Variants in ANKRD44 observed in about 807,000 individuals in gnomAD.
The protein encoded by ANKRD44 is ankyrin repeat domain 44, also known as serine/threonine-protein phosphatase 6 regulatory ankyrin repeat subunit B.
In ANKRD44, 35 loss-of-function variants were observed where a neutral mutation model predicts 116.0. The ratio of observed to expected loss-of-function variants is 0.30; its 90% confidence interval spans 0.23 to 0.40. The LOEUF is 0.40. ANKRD44 is among the 10% of genes least tolerant of loss of function. The probability of loss-of-function intolerance (pLI) is 1.00; values close to 1 mark genes in which losing one functional copy is unlikely to be tolerated. For missense variants in ANKRD44, 1,014 were observed against 1,242.6 expected (o/e 0.82, Z 2.77); for synonymous variants, 435 against 461.8 (o/e 0.94, Z 0.74).
chr2:197,224,029 T>A (rs1024365410), intron 1 of ANKRD44, among the ~76,000 whole-genome samples: 1 of 152,202 alleles, frequency 6.6e-6, no homozygotes. Context: ...GAAATTTCCA[T>A]CTGTATTTAT....
chr2:197,127,439 T>C (rs1467885344), intron 4 of ANKRD44, among the ~76,000 whole-genome samples: 2 of 152,206 alleles, frequency 1.3e-5, no homozygotes, highest in Non-Finnish European at 2.9e-5. Context: ...GCTTGGAAGC[T>C]CTTTAACTTG....
Position 197,288,649 on chromosome 2 carries a change from T to C in ANKRD44, c.27+21929A>G, listed in dbSNP as rs530813751. Among the ~76,000 whole-genome samples, 111 of 152,102 alleles carry C rather than the reference T, an allele frequency of 7.3e-4. 1 individual carries two copies. Among genetic ancestry groups the C allele is most frequent in the African/African-American group, 2.4e-3 (101 of 41,474 alleles). ...TATATATACACATACACACGTGATA[T>C]ATATATATACACATATACACACACA... On this transcript the variant is annotated intron_variant, in intron 1 of 27. Coordinates refer to ENST00000282272, the MANE Select transcript of ANKRD44 (RefSeq NM_001195144.2).
At chr2:197,290,809 T>TTTTTAG (rs1203513006) in intron 1 of ANKRD44, among the ~76,000 whole-genome samples, 9 of 151,778 alleles carry the variant, frequency 5.9e-5, no homozygotes, top group Non-Finnish European at 1.5e-5. Flanking sequence ...TTGTTTTTTG[T>TTTTTAG]TTTTTGTTTT....
intron 3 of ANKRD44, among the ~76,000 whole-genome samples, chr2:197,143,292 G>A (rs992241230): frequency 4.0e-5 from 6 of 150,414 alleles, no homozygotes; most frequent in East Asian, 2.0e-4. Flanking sequence ...GCTGGTGTGC[G>A]ACACCCATTA....
intron 21 of ANKRD44, among the ~76,000 whole-genome samples, chr2:196,978,055 A>T (rs1268602934): frequency 2.6e-5 from 4 of 152,222 alleles, no homozygotes; most frequent in Admixed American, 1.3e-4. Context: ...GCACCTCTAT[A>T]TGCTGATACA....
intron 1 of ANKRD44, among the ~76,000 whole-genome samples, chr2:197,262,094 G>A (rs1359371727): frequency 1.3e-5 from 2 of 152,222 alleles, no homozygotes; most frequent in South Asian, 2.1e-4. Flanking sequence ...CAAAATATTC[G>A]CACACTGTTA....
rs2075849701 is a variant in ANKRD44, at chr2:196,987,356, G to A, written c.*2235C>T. 1 of 984,954 alleles carries A rather than the reference G, an allele frequency of 1.0e-6. No individual in the cohort carries two copies. The highest frequency in any genetic ancestry group is 1.2e-6 in the Non-Finnish European group (1 of 829,670). The allele number at this position is 984,954 out of a possible 1,614,324, so 61.0% of individuals were successfully genotyped here. A position where few individuals can be genotyped will look rare whatever the true frequency, so the allele number is the denominator to read the frequency against. ...AAACTCACTGGTATCATATTGCTCT[G>A]ATAACACTCAAATGAAAAAATACAA... is the stretch of plus-strand genomic sequence containing the variant. On this transcript the variant is annotated 3_prime_UTR_variant, in exon 28 of 28. Transcript: ENST00000282272.
At chr2:197,015,925 G>A (rs1248818715) in intron 17 of ANKRD44, 2 of 530,054 alleles carry the variant, frequency 3.8e-6, no homozygotes, top group Non-Finnish European at 7.3e-6. Flanking sequence ...CATGAAAGGG[G>A]GTAGTTTTGG....
intron 17 of ANKRD44, among the ~76,000 whole-genome samples, chr2:197,022,360 C>T (rs2076513297): frequency 6.6e-6 from 1 of 152,244 alleles, no homozygotes; most frequent in African/African-American, 2.4e-5. Flanking sequence ...GCAATTTTGA[C>T]TCAACATAGA....
intron 1 of ANKRD44, among the ~76,000 whole-genome samples, chr2:197,237,940 A>C (rs1203011602): frequency 6.6e-6 from 1 of 152,204 alleles, no homozygotes; most frequent in African/African-American, 2.4e-5. Context: ...GCTTTGGTCC[A>C]GACAATTCCC....
chr2:197,083,264 AG>A lies in ANKRD44; in HGVS notation c.1457+104del, dbSNP rs1296699337. Reference sequence around the variant, plus strand: ...TAAGCAAATCTAACTCTTTTGGGTTAGTCTAACTCTTTTTCCATGAGGCGGT... The same window carrying A: ...TAAGCAAATCTAACTCTTTTGGGTTATCTAACTCTTTTTCCATGAGGCGGT... On this transcript the variant is annotated intron_variant, in intron 14 of 27. Transcript: ENST00000282272. 4.3e-6 allele frequency: 6 copies of A among 1,393,520 alleles called. No individual in the cohort carries two copies. The African/African-American group carries it at 8.8e-5, about 20-fold the overall frequency. The allele number at this position is 1,393,520 out of a possible 1,614,324, so 86.3% of individuals were successfully genotyped here.
At chr2:197,022,953 C>G (rs1224044171) in intron 17 of ANKRD44, among the ~76,000 whole-genome samples, 1 of 152,230 alleles carries the variant, frequency 6.6e-6, no homozygotes, top group African/African-American at 2.4e-5. Flanking sequence ...GATATTTCCT[C>G]GCCTGTTTGT....
chr2:197,191,074 A>G (rs2080811042), intron 1 of ANKRD44, among the ~76,000 whole-genome samples: 1 of 152,222 alleles, frequency 6.6e-6, no homozygotes, highest in Non-Finnish European at 1.5e-5. Flanking sequence ...AATTCCTAAG[A>G]GAGGTATGCA....
chr2:197,075,251 T>TA (rs748232610), intron 16 of ANKRD44, among the ~76,000 whole-genome samples: 1 of 152,140 alleles, frequency 6.6e-6, no homozygotes, highest in Admixed American at 6.6e-5. Context: ...TTTAATATTG[T>TA]AAAAAATATA....
rs2081358310 is a variant in ANKRD44, at chr2:197,212,983, C to G, written c.28-25877G>C. On this transcript the variant is annotated intron_variant, in intron 1 of 27. Coordinates refer to ENST00000282272, the MANE Select transcript of ANKRD44 (RefSeq NM_001195144.2). The surrounding 1 kb of genome is among the most constrained non-coding windows in gnomAD (Gnocchi z 4.8). Reference sequence around the variant, plus strand: ...TTTCATACAAGTTGGCCCCTAAATGCAAGCCAACTTCTTATCTGGTGCTCA... The same window carrying G: ...TTTCATACAAGTTGGCCCCTAAATGGAAGCCAACTTCTTATCTGGTGCTCA... Among the ~76,000 whole-genome samples, 1 of 152,206 alleles carries G rather than the reference C, an allele frequency of 6.6e-6. No individual in the cohort carries two copies. Among genetic ancestry groups the G allele is most frequent in the Non-Finnish European group, 1.5e-5 (1 of 68,038 alleles).
At chr2:197,003,078 G>A (rs151020237) in intron 21 of ANKRD44, among the ~76,000 whole-genome samples, 39 of 151,998 alleles carry the variant, frequency 2.6e-4, no homozygotes, top group African/African-American at 7.7e-4. Flanking sequence ...AGGTCGAGGC[G>A]GGCGAATTAC....
chr2:196,980,093 AAATT>A (rs1300412350), intron 21 of ANKRD44, among the ~76,000 whole-genome samples: 1 of 152,184 alleles, frequency 6.6e-6, no homozygotes, highest in African/African-American at 2.4e-5. Context: ...ACATTGCAGT[AAATT>A]AATTGGTTTT....
chr2:197,057,559 A>T (rs1268147171), intron 16 of ANKRD44, among the ~76,000 whole-genome samples: 3 of 152,204 alleles, frequency 2.0e-5, no homozygotes, highest in African/African-American at 4.8e-5. Flanking sequence ...CCAACCATAT[A>T]ACAGCTCTTT....
chr2:197,270,361 G>A (rs2082863800), intron 1 of ANKRD44, among the ~76,000 whole-genome samples: 1 of 152,176 alleles, frequency 6.6e-6, no homozygotes, highest in South Asian at 2.1e-4. Flanking sequence ...CAACTCATGA[G>A]ATCTGAGGAG....
Sources: allele counts gnomAD v4.1 joint callset (sites outside exome capture counted in the v4.1 genomes callset), GRCh38; gene constraint gnomAD v4.1.1; non-coding constraint Gnocchi (gnomAD v3.1); transcripts MANE v1.5; gene names NCBI Gene and HGNC (gene_info 2026-07-23, HGNC 2026-07-21).